GLIPR1L2: variants seen among roughly 807,000 people sequenced by gnomAD.
GLIPR1L2 encodes GLIPR1 like 2.
GLIPR1L2 carries 21 observed loss-of-function variants against 28.4 expected under a neutral mutation model. That is an observed-to-expected ratio of 0.74 (90% CI 0.52 to 1.06). The LOEUF (loss-of-function observed/expected upper bound fraction) is 1.06. Among genes scored for constraint, GLIPR1L2 ranks in the 50% least tolerant of loss-of-function variants. The probability of loss-of-function intolerance (pLI) is 0.00; values close to 1 mark genes in which losing one functional copy is unlikely to be tolerated. For synonymous variants in GLIPR1L2, 145 were observed against 139.3 expected, an observed-to-expected ratio of 1.04 and a Z score of -0.29; for missense variants, 476 against 416.9, an observed-to-expected ratio of 1.14 and a Z score of -1.23.
At chr12:75,403,090 G>C (rs1352982661) in intron 1 of GLIPR1L2, 1 of 457,180 alleles carries the variant, frequency 2.2e-6, no homozygotes, top group Non-Finnish European at 4.4e-6. Flanking sequence ...AGGACTCCAA[G>C]TGCACCCCTT....
intron 3 of GLIPR1L2, among the ~76,000 whole-genome samples, chr12:75,417,554 A>C (rs942244028): frequency 2.6e-5 from 4 of 152,182 alleles, no homozygotes; most frequent in Non-Finnish European, 5.9e-5. Flanking sequence ...AAGTCAAAGC[A>C]ACCTTGAAAA....
At chr12:75,410,741 A>C (rs929284519) in intron 2 of GLIPR1L2, 62 bp downstream of exon 2, 17 of 1,237,962 alleles carry the variant, frequency 1.4e-5, no homozygotes, top group Non-Finnish European at 1.8e-5. Context: ...GCCTGGTTTT[A>C]TTATGTTTCA....
At chr12:75,425,046 A>G (rs1457542847) in intron 4 of GLIPR1L2, among the ~76,000 whole-genome samples, 2 of 152,066 alleles carry the variant, frequency 1.3e-5, no homozygotes, top group South Asian at 2.1e-4. Context: ...CTGTCCACAT[A>G]GAGATGTGGC....
At chr12:75,397,942 T>C (rs1444671753) in intron 1 of GLIPR1L2, among the ~76,000 whole-genome samples, 2 of 151,910 alleles carry the variant, frequency 1.3e-5, no homozygotes, top group East Asian at 3.9e-4. Context: ...ATTAGGCACA[T>C]GAGTTCACCA....
At chr12:75,421,445 A>C (rs2045975121) in intron 3 of GLIPR1L2, among the ~76,000 whole-genome samples, 1 of 152,186 alleles carries the variant, frequency 6.6e-6, no homozygotes, top group African/African-American at 2.4e-5. Context: ...CAGGTTTTTG[A>C]ATATATATTT....
Position 75,391,135 on chromosome 12 carries a change from T to C in GLIPR1L2, c.19T>C (p.Phe7Leu). The change falls in exon 1 of 6, where the codon TTC becomes CTC. Residue 7 changes from phenylalanine (F) to leucine (L), a missense_variant. Phe to Leu is a conservative substitution (Grantham distance 22). Transcript: ENST00000550916. MEAARP[F>L]AREWRAQSLP... ...GTGGACCATGGAGGCCGCAAGGCCCTTCGCCCGGGAGTGGAGGGCCCAGTC... is the reference window on the plus strand; with the variant it reads ...GTGGACCATGGAGGCCGCAAGGCCCCTCGCCCGGGAGTGGAGGGCCCAGTC... The C allele has an allele frequency of 6.2e-7, 1 of 1,613,794 alleles. No homozygotes were observed. The highest frequency in any genetic ancestry group is 1.1e-5 in the South Asian group (1 of 91,076).
intron 4 of GLIPR1L2, among the ~76,000 whole-genome samples, chr12:75,427,705 G>A (rs2046048225): frequency 6.6e-6 from 1 of 152,164 alleles, no homozygotes; most frequent in Non-Finnish European, 1.5e-5. Context: ...GGAGGGACCT[G>A]GTGGGAGGTA....
chr12:75,431,129 CAAAAA>C lies in GLIPR1L2; in HGVS notation c.1004_1008del (p.Gln335ArgfsTer40). On this transcript the variant is annotated frameshift_variant, in exon 6 of 6. Coordinates refer to ENST00000550916, the MANE Select transcript of GLIPR1L2 (RefSeq NM_001270396.2). LOFTEE classifies it low-confidence loss of function (END_TRUNC). ...GAGAGAGGAGGAGGAGGAGGAAACA[CAAAAA>C]GAAAAGATGGAGGAAGAGGAAAAAT... The C allele has an allele frequency of 3.6e-6, 3 of 822,526 alleles. No homozygotes were observed. The highest frequency in any genetic ancestry group is 2.0e-5 in the African/African-American group (1 of 50,366). 51.0% of individuals were successfully genotyped at this position (822,526 alleles called of 1,614,324 possible).
chr12:75,429,047 A>G (rs1182290236), intron 4 of GLIPR1L2, among the ~76,000 whole-genome samples: 3 of 152,218 alleles, frequency 2.0e-5, no homozygotes, highest in African/African-American at 7.2e-5. Context: ...GGGGGCCACC[A>G]CACAGAGTCC....
chr12:75,429,622 T>C (rs2081147516), intron 4 of GLIPR1L2, among the ~76,000 whole-genome samples: 1 of 152,116 alleles, frequency 6.6e-6, no homozygotes, highest in Admixed American at 6.5e-5. Context: ...CAGAATGATA[T>C]GGTTTGGCTC....
At chr12:75,427,537 A>G (rs141440501) in intron 4 of GLIPR1L2, among the ~76,000 whole-genome samples, 2 of 152,276 alleles carry the variant, frequency 1.3e-5, no homozygotes, top group Admixed American at 6.5e-5. Flanking sequence ...ACTGCAAGAC[A>G]AAGTTCTTTG....
At chr12:75,411,063 T>C (rs1194695921) in intron 2 of GLIPR1L2, among the ~76,000 whole-genome samples, 1 of 151,894 alleles carries the variant, frequency 6.6e-6, no homozygotes, top group Non-Finnish European at 1.5e-5. Flanking sequence ...GCTGATTGTT[T>C]AAAACATTTG....
intron 1 of GLIPR1L2, among the ~76,000 whole-genome samples, chr12:75,392,235 T>A (rs923354038): frequency 3.3e-5 from 5 of 152,226 alleles, no homozygotes; most frequent in Non-Finnish European, 5.9e-5. Flanking sequence ...GGGTATGATA[T>A]TTTTTATTAA....
intron 1 of GLIPR1L2, among the ~76,000 whole-genome samples, chr12:75,395,467 A>G (rs887486287): frequency 2.0e-5 from 3 of 151,858 alleles, no homozygotes; most frequent in Non-Finnish European, 4.4e-5. Context: ...GAATGAGTTA[A>G]TAAATATTCT....
intron 1 of GLIPR1L2, among the ~76,000 whole-genome samples, chr12:75,395,045 T>C (rs1452635781): frequency 6.6e-6 from 1 of 152,022 alleles, no homozygotes; most frequent in Non-Finnish European, 1.5e-5. Flanking sequence ...GATTGTTTAT[T>C]ATTAACATAT....
In GLIPR1L2 at chr12:75,391,131, GCC is replaced by G; in HGVS notation, c.17_18del (p.Pro6LeufsTer24). ...GCCGGTGGACCATGGAGGCCGCAAGGCCCTTCGCCCGGGAGTGGAGGGCCCAG... is the reference window on the plus strand; with the variant it reads ...GCCGGTGGACCATGGAGGCCGCAAGGCTTCGCCCGGGAGTGGAGGGCCCAG... MEAAR[P>X]FAREWRAQSL... On this transcript the variant is annotated frameshift_variant, in exon 1 of 6. Transcript: ENST00000550916. LOFTEE classifies it high-confidence loss of function. 1 of 1,613,526 alleles carries G rather than the reference GCC, an allele frequency of 6.2e-7. No homozygotes were observed. The highest frequency in any genetic ancestry group is 8.5e-7 in the Non-Finnish European group (1 of 1,179,766).
At chr12:75,425,893 G>C (rs1298967416) in intron 4 of GLIPR1L2, among the ~76,000 whole-genome samples, 1 of 152,064 alleles carries the variant, frequency 6.6e-6, no homozygotes, top group African/African-American at 2.4e-5. Flanking sequence ...TCTTATGGTG[G>C]TGAATTGGAA....
chr12:75,409,252 A>G (rs950511141), intron 1 of GLIPR1L2, among the ~76,000 whole-genome samples: 4 of 152,072 alleles, frequency 2.6e-5, no homozygotes, highest in African/African-American at 9.7e-5. Flanking sequence ...GCTCTAAGGA[A>G]GTATGAGTAT....
intron 1 of GLIPR1L2, among the ~76,000 whole-genome samples, chr12:75,406,747 G>C (rs1339230863): frequency 7.9e-6 from 1 of 126,698 alleles, no homozygotes; most frequent in Non-Finnish European, 1.6e-5. Context: ...AACAGAGCAA[G>C]TCCCTATCTC....
Sources: allele counts gnomAD v4.1 joint callset (sites outside exome capture counted in the v4.1 genomes callset), GRCh38; gene constraint gnomAD v4.1.1; transcripts MANE v1.5; gene names NCBI Gene and HGNC (gene_info 2026-07-23, HGNC 2026-07-21).